CHIA: variants seen among roughly 807,000 people sequenced by gnomAD.
CHIA encodes the protein acidic mammalian chitinase.
CHIA carries 47 observed loss-of-function variants against 53.5 expected under a neutral mutation model. That is an observed-to-expected ratio of 0.88 (90% CI 0.70 to 1.12). The LOEUF is 1.12. Ranked by LOEUF, CHIA falls within the 50% of genes most tolerant of loss-of-function variation. The pLI is 0.00. For missense variants in CHIA, 652 were observed against 592.2 expected (o/e 1.10, Z -1.05); for synonymous variants, 268 against 222.2 (o/e 1.21, Z -1.83).
chr1:111,299,640 T>A (rs192132949), intron 1 of CHIA, among the ~76,000 whole-genome samples: 2 of 152,170 alleles, frequency 1.3e-5, no homozygotes, highest in Non-Finnish European at 2.9e-5. Flanking sequence ...TCACACTGAA[T>A]GGGCAAAAAC....
In CHIA at chr1:111,320,287, A is replaced by AGCAGCTCTGGAG; in HGVS notation, c.1260_1271dup (p.Ser424_Ser427dup). The AGCAGCTCTGGAG allele has an allele frequency of 6.2e-7, 1 of 1,614,238 alleles. No homozygotes were observed. Among genetic ancestry groups the AGCAGCTCTGGAG allele is most frequent in the African/African-American group, 1.3e-5 (1 of 75,064 alleles). ...TGGCAGCGGGAACGGGAGCGGGAGTAGCAGCTCTGGAGGCAGCTCGGGAGG... is the reference window on the plus strand; with the variant it reads ...TGGCAGCGGGAACGGGAGCGGGAGTAGCAGCTCTGGAGGCAGCTCTGGAGGCAGCTCGGGAGG... On this transcript the variant is annotated inframe_insertion, in exon 12 of 12. Coordinates refer to ENST00000369740, the MANE Select transcript of CHIA (RefSeq NM_201653.4).
In CHIA at chr1:111,317,893, C is replaced by G. The variant is rs528003206; in HGVS notation, c.605+88C>G. ...TTGGTCTGGCTTGCTATTCAGGGAC[C>G]TTGTTTAGGAGACTTTAGAAGTGGT... On this transcript the variant is annotated intron_variant, in intron 7 of 11. Transcript: ENST00000369740. 6.2e-6 allele frequency: 10 copies of G among 1,609,532 alleles called. No individual in the cohort carries two copies. The East Asian group carries it at 2.0e-4, about 32-fold the overall frequency.
chr1:111,303,105 C>A (rs556847395), intron 1 of CHIA, among the ~76,000 whole-genome samples: 2 of 152,126 alleles, frequency 1.3e-5, no homozygotes, highest in South Asian at 4.1e-4. Flanking sequence ...GCATGGAATA[C>A]CTGTCTCCAT....
At chr1:111,317,506 C>T in intron 6 of CHIA, 175 bp from the exon 7 acceptor site, 1 of 673,066 alleles carries the variant, frequency 1.5e-6, no homozygotes, top group Non-Finnish European at 2.4e-6. Context: ...CCAGAAAATT[C>T]AATAATATTA....
chr1:111,306,668 A>G (rs1648210067), intron 1 of CHIA, among the ~76,000 whole-genome samples: 1 of 152,214 alleles, frequency 6.6e-6, no homozygotes, highest in Non-Finnish European at 1.5e-5. Context: ...AATAACCCAT[A>G]AAGTTGGAAA....
chr1:111,310,512 T>G lies in CHIA; in HGVS notation c.25+20T>G. The G allele has an allele frequency of 6.2e-7, 1 of 1,614,216 alleles. No individual in the cohort carries two copies. The highest frequency in any genetic ancestry group is 8.5e-7 in the Non-Finnish European group (1 of 1,180,024). ...TCACAGGTGGGTTTGTAATCAGAGA[T>G]TGACCCTTCATCTTATCTAGTTTCT... On this transcript the variant is annotated intron_variant, in intron 2 of 11. Transcript: ENST00000369740.
chr1:111,314,630 G>A lies in CHIA; in HGVS notation c.314+34G>A, dbSNP rs767676046. The A allele has an allele frequency of 2.6e-6, 4 of 1,563,614 alleles. 1 individual carries two copies. In the South Asian group the frequency reaches 4.5e-5, roughly 17 times the overall value. Reference sequence around the variant, plus strand: ...TCTATGGAGAGCATGTTGTTCGTTTGCTATGGAAAACAAGTTAGCCCCATG... The same window carrying A: ...TCTATGGAGAGCATGTTGTTCGTTTACTATGGAAAACAAGTTAGCCCCATG... On this transcript the variant is annotated intron_variant, in intron 5 of 11. Coordinates refer to ENST00000369740, the MANE Select transcript of CHIA (RefSeq NM_201653.4).
intron 1 of CHIA, among the ~76,000 whole-genome samples, chr1:111,292,876 T>A (rs7525014): frequency 0.31 from 47,028 of 152,036 alleles, 7,893 homozygotes; most frequent in African/African-American, 0.44. Flanking sequence ...TTTCATTGAG[T>A]ATAATGTCTC....
chr1:111,299,989 A>AT (rs1371912961), intron 1 of CHIA, among the ~76,000 whole-genome samples: 8 of 152,198 alleles, frequency 5.3e-5, no homozygotes, highest in African/African-American at 1.7e-4. Flanking sequence ...CAATCACTAC[A>AT]AAGAGAATAA....
At chr1:111,315,782 A>T (rs1432453982) in intron 6 of CHIA, 1 of 461,018 alleles carries the variant, frequency 2.2e-6, no homozygotes, top group Non-Finnish European at 4.3e-6. Context: ...GCCCAAGATC[A>T]CACAACTAGT....
At chr1:111,301,488 A>C (rs1324734015) in intron 1 of CHIA, among the ~76,000 whole-genome samples, 1 of 152,052 alleles carries the variant, frequency 6.6e-6, no homozygotes, top group Non-Finnish European at 1.5e-5. Flanking sequence ...TCACGAGGTC[A>C]GGAGATCAAG....
At chr1:111,307,762 C>T (rs1206750279) in intron 1 of CHIA, among the ~76,000 whole-genome samples, 2 of 151,994 alleles carry the variant, frequency 1.3e-5, no homozygotes, top group African/African-American at 4.8e-5. Context: ...CTGCCTTAGC[C>T]TCCCAAGTAG....
chr1:111,295,242 A>G (rs1176505713), intron 1 of CHIA, among the ~76,000 whole-genome samples: 1 of 152,160 alleles, frequency 6.6e-6, no homozygotes, highest in African/African-American at 2.4e-5. Flanking sequence ...ATGCAGTGGC[A>G]CAATCACAGC....
Position 111,318,107 on chromosome 1 carries a change from G to T in CHIA, c.727G>T (p.Val243Leu). ...CACCGGCAGCAACGCCTACCTCAATGTGGTGAGTCCCTGTACAGATGCAAG... is the reference window on the plus strand; with the variant it reads ...CACCGGCAGCAACGCCTACCTCAATTTGGTGAGTCCCTGTACAGATGCAAG... ...TDTGSNAYLN[V>L]DYVMNYWKDN... The change falls in exon 8 of 12, where the codon GTG becomes TTG. Residue 243 changes from valine to leucine, a missense_variant and splice_region_variant. By Grantham distance (32) the Val-to-Leu change is conservative. Coordinates refer to ENST00000369740, the MANE Select transcript of CHIA (RefSeq NM_201653.4). The T allele has an allele frequency of 6.2e-7, 1 of 1,611,172 alleles. No homozygotes were observed. Among genetic ancestry groups the T allele is most frequent in the Non-Finnish European group, 8.5e-7 (1 of 1,177,368 alleles).
intron 1 of CHIA, among the ~76,000 whole-genome samples, chr1:111,308,262 C>A (rs185813393): frequency 6.6e-6 from 1 of 152,170 alleles, no homozygotes; most frequent in Non-Finnish European, 1.5e-5. Context: ...TAGCTACACC[C>A]TATAGTCCTG....
intron 1 of CHIA, among the ~76,000 whole-genome samples, chr1:111,299,902 A>T (rs7413908): frequency 0.28 from 42,310 of 152,030 alleles, 6,177 homozygotes; most frequent in East Asian, 0.36. Flanking sequence ...ACAAAATCAA[A>T]GTGCAAAAAT....
chr1:111,313,643 T>C (rs1354660647), intron 4 of CHIA, among the ~76,000 whole-genome samples: 3 of 152,200 alleles, frequency 2.0e-5, no homozygotes, highest in Non-Finnish European at 4.4e-5. Context: ...AAAAGCTTTT[T>C]AGCCTGATGT....
chr1:111,298,800 A>G (rs1357584701), intron 1 of CHIA, among the ~76,000 whole-genome samples: 1 of 152,146 alleles, frequency 6.6e-6, no homozygotes, highest in African/African-American at 2.4e-5. Flanking sequence ...AATCCAAGAG[A>G]TGCTTTTTTG....
chr1:111,301,977 A>C (rs12736391), intron 1 of CHIA, among the ~76,000 whole-genome samples: 42,466 of 152,066 alleles, frequency 0.28, 6,229 homozygotes, highest in East Asian at 0.36. Context: ...TGGGTGCAGC[A>C]AACCAACATG....
Sources: allele counts gnomAD v4.1 joint callset (sites outside exome capture counted in the v4.1 genomes callset), GRCh38; gene constraint gnomAD v4.1.1; transcripts MANE v1.5; gene names NCBI Gene and HGNC (gene_info 2026-07-23, HGNC 2026-07-21).